SLC12A7: variants seen among roughly 807,000 people sequenced by gnomAD.
The protein encoded by SLC12A7 is solute carrier family 12 member 7, also known as K-Cl cotransporter 4.
A neutral mutation model predicts 120.6 loss-of-function variants in SLC12A7; 100 were observed. The observed-to-expected ratio is 0.83, with a 90% confidence interval of 0.71 to 0.98. SLC12A7 has a LOEUF of 0.98. SLC12A7 is among the 50% of genes least tolerant of loss of function. The probability of loss-of-function intolerance (pLI) is 0.00; values close to 1 mark genes in which losing one functional copy is unlikely to be tolerated. For synonymous variants in SLC12A7, 760 were observed against 678.0 expected, an observed-to-expected ratio of 1.12 and a Z score of -1.88; for missense variants, 1,373 against 1,548.1, an observed-to-expected ratio of 0.89 and a Z score of 1.90.
intron 7 of SLC12A7, 101 bp downstream of exon 7, chr5:1,085,131 G>A: frequency 6.7e-7 from 1 of 1,496,010 alleles, no homozygotes; most frequent in South Asian, 1.3e-5. Context: ...ACCCCTTGCG[G>A]GGAGCTCGGC....
At chr5:1,139,058 A>G in the SLC12A7 span, among the ~76,000 whole-genome samples, 129 of 109,958 alleles carry the variant, frequency 1.2e-3, no homozygotes, top group East Asian at 0.023. Flanking sequence ...CCCTCACCCA[A>G]GCTTGGGGTG....
the SLC12A7 span, among the ~76,000 whole-genome samples, chr5:1,121,775 T>C: frequency 4.6e-5 from 7 of 152,052 alleles, no homozygotes; most frequent in Admixed American, 4.6e-4. Context: ...CACCCATGGG[T>C]CAGCCCCGGA....
chr5:1,068,533 C>T (rs984893601), intron 17 of SLC12A7, among the ~76,000 whole-genome samples: 3 of 152,264 alleles, frequency 2.0e-5, no homozygotes, highest in Non-Finnish European at 2.9e-5. Flanking sequence ...GAATACGGCT[C>T]CCCAGGGCAG....
intron 1 of SLC12A7, among the ~76,000 whole-genome samples, chr5:1,100,616 G>A (rs577325022): frequency 5.3e-5 from 8 of 152,354 alleles, no homozygotes; most frequent in Admixed American, 3.9e-4. Flanking sequence ...GGGAGACCGC[G>A]CCAAGTGCTG....
At position 1,052,349 on chromosome 5, in the gene SLC12A7, G is replaced by A; in HGVS notation, c.*11C>T. On this transcript the variant is annotated 3_prime_UTR_variant, in exon 24 of 24. Coordinates refer to ENST00000264930, the MANE Select transcript of SLC12A7 (RefSeq NM_006598.3). ...CGTGCCTGTCCCAGAGTGCCGTGAT[G>A]CTGTTGGGCATTAGGAGTAGATGGT... is the stretch of plus-strand genomic sequence containing the variant. The A allele has an allele frequency of 6.2e-7, 1 of 1,609,694 alleles. No individual in the cohort carries two copies. The highest frequency in any genetic ancestry group is 8.5e-7 in the Non-Finnish European group (1 of 1,177,152).
At chr5:1,136,904 CAT>C in the SLC12A7 span, among the ~76,000 whole-genome samples, 108 of 151,442 alleles carry the variant, frequency 7.1e-4, 3 homozygotes, top group East Asian at 4.5e-3. Flanking sequence ...CGCAGGCACA[CAT>C]GTGCTCAGAC....
intron 1 of SLC12A7, among the ~76,000 whole-genome samples, chr5:1,102,503 C>G (rs983397879): frequency 6.6e-6 from 1 of 152,222 alleles, no homozygotes; most frequent in Admixed American, 6.5e-5. Flanking sequence ...CAGCCTCAGC[C>G]GGAAGCAGCT....
chr5:1,081,834 G>A (rs953017068), intron 8 of SLC12A7, 90 bp from the exon 9 acceptor site: 38 of 1,464,484 alleles, frequency 2.6e-5, no homozygotes, highest in Admixed American at 3.8e-5. Context: ...AGGTGCCACT[G>A]GTGGCCGGAG....
intron 22 of SLC12A7, among the ~76,000 whole-genome samples, chr5:1,056,339 G>C (rs1333525602): frequency 7.2e-5 from 11 of 152,214 alleles, no homozygotes. Flanking sequence ...CCTCACTTAG[G>C]AAGAGGCTTC....
At position 1,088,328 on chromosome 5, in the gene SLC12A7, G is replaced by A. The variant is rs748704892; in HGVS notation, c.522C>T (p.Ile174=). Residue 174 remains isoleucine (I), a synonymous_variant, in exon 5 of 24, where the codon ATC becomes ATT. Coordinates refer to ENST00000264930, the MANE Select transcript of SLC12A7 (RefSeq NM_006598.3). ...TMLTAISMSA[I]ATNGVVPAGG... is the part of the protein sequence containing the mutation. ...TACCTGGGACCACACCGTTGGTAGCGATCGCACTCATGGAAATGGCGGTCA... is the reference window on the plus strand; with the variant it reads ...TACCTGGGACCACACCGTTGGTAGCAATCGCACTCATGGAAATGGCGGTCA... The A allele has an allele frequency of 1.4e-5, 23 of 1,587,516 alleles. No individual in the cohort carries two copies. Among genetic ancestry groups the A allele is most frequent in the South Asian group, 5.8e-5 (5 of 86,728 alleles).
the SLC12A7 span, among the ~76,000 whole-genome samples, chr5:1,151,879 G>A: frequency 1.3e-5 from 2 of 152,170 alleles, no homozygotes; most frequent in South Asian, 2.1e-4. This position sits in a 1 kb window ranked among gnomAD's most constrained non-coding sequence, Gnocchi z 6.2. Context: ...CTGGGGGCAC[G>A]CCAGGTGACG....
chr5:1,145,086 C>T, the SLC12A7 span, among the ~76,000 whole-genome samples: 4 of 152,356 alleles, frequency 2.6e-5, no homozygotes, highest in East Asian at 5.8e-4. This position sits in a 1 kb window ranked among gnomAD's most constrained non-coding sequence, Gnocchi z 4.4. Context: ...AGAGAGCCTG[C>T]GTGGGACAGC....
the SLC12A7 span, among the ~76,000 whole-genome samples, chr5:1,127,038 C>T: frequency 4.0e-5 from 6 of 151,424 alleles, no homozygotes; most frequent in East Asian, 1.9e-4. Flanking sequence ...TTTTTTTAGA[C>T]GAAGTCTTGC....
chr5:1,105,848 A>G, intron 1 of SLC12A7, among the ~76,000 whole-genome samples: 1 of 152,090 alleles, frequency 6.6e-6, no homozygotes, highest in Non-Finnish European at 1.5e-5. Context: ...TGCCCTGAAG[A>G]CCAGCTGGTC....
chr5:1,107,615 C>A lies in SLC12A7; in HGVS notation c.124+4253G>T, dbSNP rs149767517. On this transcript the variant is annotated intron_variant, in intron 1 of 23. Coordinates refer to ENST00000264930, the MANE Select transcript of SLC12A7 (RefSeq NM_006598.3). ...CCCGACCAGCCGCCCTGCACCCAGG[C>A]CTGAGCACCTGGCCCTCCCCTTGGC... Among the ~76,000 whole-genome samples the A allele has an allele frequency of 4.7e-3, 711 of 152,378 alleles. 7 individuals carry two copies. Among genetic ancestry groups the A allele is most frequent in the African/African-American group, 0.016 (662 of 41,592 alleles).
chr5:1,085,759 G>A (rs1024035424), intron 6 of SLC12A7, among the ~76,000 whole-genome samples: 2 of 152,240 alleles, frequency 1.3e-5, no homozygotes, highest in Non-Finnish European at 2.9e-5. Context: ...CCAGGGGCCT[G>A]AACGTTTCCC....
chr5:1,094,435 T>G (rs1740876884), intron 1 of SLC12A7, among the ~76,000 whole-genome samples, 187 bp from the exon 2 acceptor site: 1 of 152,180 alleles, frequency 6.6e-6, no homozygotes. Flanking sequence ...GAAAGGGGCA[T>G]TTCCCAGGGT....
chr5:1,064,794 G>T (rs375916235), intron 18 of SLC12A7, among the ~76,000 whole-genome samples: 1 of 147,698 alleles, frequency 6.8e-6, no homozygotes, highest in Non-Finnish European at 1.5e-5. Context: ...AGGGGACAGC[G>T]AGGAGACGGC....
At chr5:1,095,687 TG>T (rs1228944332) in intron 1 of SLC12A7, among the ~76,000 whole-genome samples, 1 of 151,782 alleles carries the variant, frequency 6.6e-6, no homozygotes, top group African/African-American at 2.4e-5. Flanking sequence ...GCTGGGAGGG[TG>T]GGCATTCTCT....
Sources: allele counts gnomAD v4.1 joint callset (sites outside exome capture counted in the v4.1 genomes callset), GRCh38; gene constraint gnomAD v4.1.1; non-coding constraint Gnocchi (gnomAD v3.1); transcripts MANE v1.5; gene names NCBI Gene and HGNC (gene_info 2026-07-23, HGNC 2026-07-21).